TMEM255B: variants seen among roughly 807,000 people sequenced by gnomAD.
TMEM255B encodes the protein family with sequence similarity 70, member B.
In TMEM255B, 35 loss-of-function variants were observed where a neutral mutation model predicts 34.5. The observed-to-expected ratio is 1.01, with a 90% CI of 0.77 to 1.34. TMEM255B has a LOEUF of 1.34. Ranked by LOEUF, TMEM255B falls within the 40% of genes most tolerant of loss-of-function variation. The probability of loss-of-function intolerance (pLI) is 0.00; values close to 1 mark genes in which losing one functional copy is unlikely to be tolerated. For missense variants in TMEM255B, 432 were observed against 433.2 expected (o/e 1.00, Z 0.02); for synonymous variants, 206 against 201.2 (o/e 1.02, Z -0.20).
chr13:113,775,860 C>T (rs777062970), intron 3 of TMEM255B, among the ~76,000 whole-genome samples: 14 of 152,318 alleles, frequency 9.2e-5, no homozygotes, highest in African/African-American at 1.7e-4. Flanking sequence ...TTTCTCAGGC[C>T]GGTGGCCCCA....
chr13:113,767,742 T>C (rs865936075), intron 2 of TMEM255B, among the ~76,000 whole-genome samples: 1 of 152,324 alleles, frequency 6.6e-6, no homozygotes, highest in East Asian at 1.9e-4. Flanking sequence ...TTTCTGCCAA[T>C]GTAGAGACTT....
rs1459728246 is a variant in TMEM255B, at chr13:113,799,597, G to A, written c.423+178G>A. On this transcript the variant is annotated intron_variant, in intron 5 of 8. Coordinates refer to ENST00000375353, the MANE Select transcript of TMEM255B (RefSeq NM_182614.4). ...GTGTTTGGGACCTTGACATTTCGAT[G>A]TGCTGTATTTCACTCTGGAGTCAGA... is the stretch of plus-strand genomic sequence containing the variant. The A allele has an allele frequency of 4.6e-6, 3 of 645,612 alleles. No homozygotes were observed. In the African/African-American group the frequency reaches 5.5e-5, roughly 12 times the overall value. 40.0% of individuals were successfully genotyped at this position (645,612 alleles called of 1,614,324 possible).
At position 113,815,733 on chromosome 13, in the gene TMEM255B, G is replaced by T. The variant is rs2051393989; in HGVS notation, c.*3830G>T. On this transcript the variant is annotated 3_prime_UTR_variant, in exon 9 of 9. Coordinates refer to ENST00000375353, the MANE Select transcript of TMEM255B (RefSeq NM_182614.4). ...CTCTTTTTTTCCCAGTCTCGGGTAT[G>T]TCCTTATTAGCAGTGTGAAAACAGA... 1 of 152,534 alleles carries T rather than the reference G, an allele frequency of 6.6e-6. No individual in the cohort carries two copies. Among genetic ancestry groups the T allele is most frequent in the South Asian group, 2.1e-4 (1 of 4,878 alleles). The allele number at this position is 152,534 out of a possible 1,614,324, so 9.4% of individuals were successfully genotyped here. A position where few individuals can be genotyped will look rare whatever the true frequency, so the allele number is the denominator to read the frequency against.
In TMEM255B at chr13:113,806,778, C is replaced by A. The variant is rs1240969580; in HGVS notation, c.813+1750C>A. Among the ~76,000 whole-genome samples the A allele has an allele frequency of 6.6e-6, 1 of 152,018 alleles. No homozygotes were observed. The highest frequency in any genetic ancestry group is 1.5e-5 in the Non-Finnish European group (1 of 67,974). ...GGGGGCTTCTCTCTGGCCTCCTGGT[C>A]TCCCGTGGGAAGTTTGCCAAGCCCA... On this transcript the variant is annotated intron_variant, in intron 8 of 8. Coordinates refer to ENST00000375353, the MANE Select transcript of TMEM255B (RefSeq NM_182614.4). This position sits in a 1 kb window ranked among gnomAD's most constrained non-coding sequence, Gnocchi z 4.2.
At chr13:113,807,788 G>A (rs1029599376) in intron 8 of TMEM255B, among the ~76,000 whole-genome samples, 2 of 142,246 alleles carry the variant, frequency 1.4e-5, no homozygotes, top group African/African-American at 2.6e-5. Flanking sequence ...GGGATGTGGG[G>A]GGCGGTCCTC....
intron 3 of TMEM255B, among the ~76,000 whole-genome samples, chr13:113,782,844 C>T (rs897515295): frequency 3.3e-5 from 5 of 152,154 alleles, no homozygotes; most frequent in Non-Finnish European, 7.3e-5. Context: ...GAAACAGACT[C>T]CCAGAGGTGG....
Position 113,759,247 on chromosome 13 carries a change from G to A in TMEM255B, c.-23G>A, listed in dbSNP as rs2050251206. On this transcript the variant is annotated 5_prime_UTR_variant, in exon 1 of 9. Coordinates refer to ENST00000375353, the MANE Select transcript of TMEM255B (RefSeq NM_182614.4). ...CGGCGGGACTGTGGCTGTGGCCCCG[G>A]GAGAGCCGGGTGGGGCCTCGGGATG... 8.1e-7 allele frequency: 1 copy of A among 1,227,722 alleles called. No homozygotes were observed. The highest frequency in any genetic ancestry group is 4.1e-5 in the South Asian group (1 of 24,294). The allele number at this position is 1,227,722 out of a possible 1,614,324, so 76.1% of individuals were successfully genotyped here.
chr13:113,785,686 A>C (rs2050729848), intron 3 of TMEM255B, among the ~76,000 whole-genome samples: 1 of 152,226 alleles, frequency 6.6e-6, no homozygotes, highest in Non-Finnish European at 1.5e-5. Context: ...GGTCAGAAGT[A>C]GGAACGGTTG....
At chr13:113,794,704 TATA>T (rs2050889325) in intron 3 of TMEM255B, among the ~76,000 whole-genome samples, 1 of 152,202 alleles carries the variant, frequency 6.6e-6, no homozygotes, top group East Asian at 1.9e-4. Context: ...ACTAACGCAC[TATA>T]AACCATTCCT....
chr13:113,790,895 C>G (rs1270395895), intron 3 of TMEM255B, among the ~76,000 whole-genome samples: 2 of 152,262 alleles, frequency 1.3e-5, no homozygotes, highest in Non-Finnish European at 2.9e-5. Context: ...TGGCCACACT[C>G]TCGCTGAATT....
intron 3 of TMEM255B, among the ~76,000 whole-genome samples, chr13:113,785,699 G>A (rs75569616): frequency 6.6e-6 from 1 of 152,192 alleles, no homozygotes; most frequent in African/African-American, 2.4e-5. Context: ...AACGGTTGCC[G>A]CTGGGCTTGG....
At chr13:113,792,748 C>G (rs1219122675) in intron 3 of TMEM255B, among the ~76,000 whole-genome samples, 1 of 152,248 alleles carries the variant, frequency 6.6e-6, no homozygotes, top group Non-Finnish European at 1.5e-5. Flanking sequence ...ATTGCCACAG[C>G]CTGTAGAAAG....
intron 5 of TMEM255B, among the ~76,000 whole-genome samples, 200 bp from the exon 6 acceptor site, chr13:113,800,627 C>G (rs967263697): frequency 3.3e-5 from 5 of 152,132 alleles, no homozygotes; most frequent in Admixed American, 1.3e-4. Context: ...AGCCTGTGCC[C>G]CTGACCCCTC....
chr13:113,795,537 GCACA>G (rs72378730), intron 4 of TMEM255B, among the ~76,000 whole-genome samples: 1 of 135,456 alleles, frequency 7.4e-6, no homozygotes, highest in Admixed American at 7.6e-5. Context: ...AGAGCACACA[GCACA>G]CACACAACAC....
intron 4 of TMEM255B, among the ~76,000 whole-genome samples, 162 bp from the exon 5 acceptor site, chr13:113,799,177 G>T (rs913772776): frequency 6.6e-6 from 1 of 152,236 alleles, no homozygotes; most frequent in African/African-American, 2.4e-5. Context: ...TGCAGGGAGC[G>T]TGGAGTCTCC....
chr13:113,795,276 G>A, intron 4 of TMEM255B, 39 bp downstream of exon 4: 1 of 1,586,282 alleles, frequency 6.3e-7, no homozygotes. Flanking sequence ...CGCTTTCCGG[G>A]GCTGAAAGAG....
At chr13:113,766,851 G>A (rs61665229) in intron 2 of TMEM255B, among the ~76,000 whole-genome samples, 25,808 of 152,224 alleles carry the variant, frequency 0.17, 2,432 homozygotes, top group Middle Eastern at 0.24. Flanking sequence ...CAGTAAGGCG[G>A]CGAGGTAAAT....
intron 8 of TMEM255B, among the ~76,000 whole-genome samples, chr13:113,810,948 A>T (rs74118474): frequency 6.6e-6 from 1 of 151,978 alleles, no homozygotes; most frequent in African/African-American, 2.4e-5. Context: ...GGTGGACCCT[A>T]ACTGTTGGTT....
intron 3 of TMEM255B, among the ~76,000 whole-genome samples, chr13:113,774,508 A>G (rs2050527127): frequency 6.6e-6 from 1 of 152,010 alleles, no homozygotes; most frequent in Non-Finnish European, 1.5e-5. Context: ...GCACAGACAC[A>G]CACGACACAC....
Sources: allele counts gnomAD v4.1 joint callset (sites outside exome capture counted in the v4.1 genomes callset), GRCh38; gene constraint gnomAD v4.1.1; non-coding constraint Gnocchi (gnomAD v3.1); transcripts MANE v1.5; gene names NCBI Gene and HGNC (gene_info 2026-07-23, HGNC 2026-07-21).